Variants in HLF observed in about 807,000 individuals in gnomAD.
HLF encodes the protein HLF transcription factor, PAR bZIP family member, also known as hepatic leukemia factor.
HLF carries 3 observed loss-of-function variants against 22.6 expected under a neutral mutation model. The ratio of observed to expected loss-of-function variants is 0.13; its 90% CI spans 0.06 to 0.34. HLF has a LOEUF of 0.34. HLF is among the 10% of genes least tolerant of loss of function. HLF has a pLI of 1.00. For missense variants in HLF, 299 were observed against 389.2 expected, an observed-to-expected ratio of 0.77 and a Z score of 1.95; for synonymous variants, 151 against 151.8, an observed-to-expected ratio of 0.99 and a Z score of 0.04.
chr17:55,317,953 T>G (rs183171737), intron 3 of HLF, among the ~76,000 whole-genome samples: 1 of 152,328 alleles, frequency 6.6e-6, no homozygotes, highest in African/African-American at 2.4e-5. Flanking sequence ...ACTTGATGAA[T>G]TTTTTCAAAT....
intron 2 of HLF, among the ~76,000 whole-genome samples, chr17:55,286,663 G>A (rs557526269): frequency 2.2e-4 from 34 of 152,170 alleles, no homozygotes; most frequent in African/African-American, 6.5e-4. Context: ...CATAACAAAC[G>A]GTTGAAAATA....
At chr17:55,296,179 G>A (rs944316846) in intron 2 of HLF, among the ~76,000 whole-genome samples, 11 of 152,174 alleles carry the variant, frequency 7.2e-5, no homozygotes, top group African/African-American at 2.7e-4. Context: ...TGGGTGGTTG[G>A]TTTCCTTACA....
intron 2 of HLF, among the ~76,000 whole-genome samples, chr17:55,291,309 C>G (rs2081059713): frequency 6.6e-6 from 1 of 152,190 alleles, no homozygotes; most frequent in East Asian, 1.9e-4. Flanking sequence ...CATCGAAGGA[C>G]AGGCTGACTT....
At chr17:55,289,021 A>G in intron 2 of HLF, 1 of 769,934 alleles carries the variant, frequency 1.3e-6, no homozygotes, top group Non-Finnish European at 1.6e-6. Flanking sequence ...TGGGGAAGGG[A>G]GGATGCAGAT....
At chr17:55,285,903 T>G (rs1266553253) in intron 2 of HLF, among the ~76,000 whole-genome samples, 1 of 152,218 alleles carries the variant, frequency 6.6e-6, no homozygotes, top group Non-Finnish European at 1.5e-5. Flanking sequence ...CTTCATCTTC[T>G]TCGCGGTGCC....
At chr17:55,291,727 A>T (rs1198147879) in intron 2 of HLF, among the ~76,000 whole-genome samples, 1 of 152,240 alleles carries the variant, frequency 6.6e-6, no homozygotes, top group African/African-American at 2.4e-5. Context: ...GCTGCCATTG[A>T]TAGTGATTCC....
chr17:55,319,946 T>G (rs531779234), intron 3 of HLF, among the ~76,000 whole-genome samples: 2 of 152,196 alleles, frequency 1.3e-5, no homozygotes, highest in Non-Finnish European at 2.9e-5. Context: ...TATTTGTGTG[T>G]AAACTGTCAT....
intron 2 of HLF, among the ~76,000 whole-genome samples, chr17:55,279,881 A>G (rs1345469057): frequency 3.9e-5 from 6 of 152,080 alleles, no homozygotes; most frequent in Non-Finnish European, 8.8e-5. Flanking sequence ...AAATTTTCAT[A>G]TAAGTATATG....
At position 55,295,295 on chromosome 17, in the gene HLF, T is replaced by A. The variant is rs2081101708; in HGVS notation, c.452-19932T>A. Among the ~76,000 whole-genome samples the A allele has an allele frequency of 2.0e-5, 3 of 152,370 alleles. No homozygotes were observed. In the South Asian group the frequency reaches 6.2e-4, roughly 32 times the overall value. ...ACAATATAAGTGACTTGTTGAGTTT[T>A]TCTTGGCTGATACTAAGAATGAATT... On this transcript the variant is annotated intron_variant, in intron 2 of 3. Coordinates refer to ENST00000226067, the MANE Select transcript of HLF (RefSeq NM_002126.5).
chr17:55,294,896 T>C (rs1197253751), intron 2 of HLF, among the ~76,000 whole-genome samples: 2 of 152,254 alleles, frequency 1.3e-5, no homozygotes, highest in African/African-American at 4.8e-5. Context: ...TACACAGCTG[T>C]CATCTGTTAT....
chr17:55,278,072 T>G (rs1598391177), intron 2 of HLF, among the ~76,000 whole-genome samples: 1 of 152,370 alleles, frequency 6.6e-6, no homozygotes, highest in African/African-American at 2.4e-5. Flanking sequence ...TTTTAGAAGT[T>G]TAATCTGGGA....
intron 2 of HLF, among the ~76,000 whole-genome samples, chr17:55,280,932 G>A (rs2080949133): frequency 6.6e-6 from 1 of 152,140 alleles, no homozygotes; most frequent in Non-Finnish European, 1.5e-5. Flanking sequence ...TACACAAAGG[G>A]GACAACTAGA....
chr17:55,280,817 TCCAGATAGGAA>T (rs2080947557), intron 2 of HLF, among the ~76,000 whole-genome samples: 1 of 151,996 alleles, frequency 6.6e-6, no homozygotes, highest in Admixed American at 6.6e-5. Context: ...CAGAGAGGGG[TCCAGATAGGAA>T]AGAATGGACT....
intron 2 of HLF, among the ~76,000 whole-genome samples, chr17:55,307,062 CTTT>C (rs1004676215): frequency 7.2e-6 from 1 of 138,872 alleles, no homozygotes; most frequent in Non-Finnish European, 1.6e-5. Context: ...TTTACCTCCT[CTTT>C]TTTTTTTTCC....
In HLF at chr17:55,324,830, T is replaced by C. The variant is rs1279373398; in HGVS notation, c.*3951T>C. 3.9e-5 allele frequency: 9 copies of C among 232,790 alleles called. No homozygotes were observed. The highest frequency in any genetic ancestry group is 7.6e-5 in the Non-Finnish European group (9 of 117,768). 14.4% of individuals were successfully genotyped at this position (232,790 alleles called of 1,614,324 possible). The stretch of plus-strand genomic sequence containing the variant: ...GTGTGCGTGCATGTGTGTGTGTGTG[T>C]ATGTGTGTGAATAAGTCGACATAAA... On this transcript the variant is annotated 3_prime_UTR_variant, in exon 4 of 4. Transcript: ENST00000226067.
At position 55,267,883 on chromosome 17, in the gene HLF, T is replaced by C. The variant is rs1305062864; in HGVS notation, c.248T>C (p.Leu83Ser). Residue 83 changes from leucine to serine, a missense_variant, in exon 2 of 4, where the codon TTG becomes TCG. Coordinates refer to ENST00000226067, the MANE Select transcript of HLF (RefSeq NM_002126.5). ...TLPYDGDTFQ[L>S]EYMDLEEFLS... ...CCCTATGACGGAGATACTTTCCAGT[T>C]GGAATACATGGACCTGGAGGAGTTT... is the stretch of plus-strand genomic sequence containing the variant. 6.2e-7 allele frequency: 1 copy of C among 1,614,016 alleles called. No individual in the cohort carries two copies. The highest frequency in any genetic ancestry group is 8.5e-7 in the Non-Finnish European group (1 of 1,180,016).
chr17:55,282,639 G>A (rs2080964624), intron 2 of HLF, among the ~76,000 whole-genome samples: 1 of 152,190 alleles, frequency 6.6e-6, no homozygotes, highest in Non-Finnish European at 1.5e-5. Flanking sequence ...CTCTGGACAG[G>A]ACAGGTCACC....
chr17:55,309,190 G>A (rs1041605832), intron 2 of HLF, among the ~76,000 whole-genome samples: 7 of 152,338 alleles, frequency 4.6e-5, no homozygotes, highest in Non-Finnish European at 1.0e-4. Flanking sequence ...TTAGTGTTAA[G>A]CTTTTGCAGA....
intron 2 of HLF, among the ~76,000 whole-genome samples, chr17:55,275,250 C>G (rs184360465): frequency 6.6e-6 from 1 of 152,228 alleles, no homozygotes; most frequent in Admixed American, 6.5e-5. Flanking sequence ...CATGCACCAC[C>G]ACACCTGGCT....
Sources: gnomAD v4.1 joint callset for allele counts (sites outside exome capture counted in the v4.1 genomes callset) on GRCh38, gnomAD v4.1.1 for gene constraint, MANE v1.5 for transcripts, NCBI Gene and HGNC (gene_info 2026-07-23, HGNC 2026-07-21) for gene names.